Variants in SH3RF3 observed in about 807,000 individuals in gnomAD.
The protein encoded by SH3RF3 is E3 ubiquitin-protein ligase SH3RF3.
A neutral mutation model predicts 66.3 loss-of-function variants in SH3RF3; 29 were observed. That is an observed-to-expected ratio of 0.44 (90% confidence interval 0.33 to 0.60). The LOEUF is 0.60. Among genes scored for constraint, SH3RF3 ranks in the 20% least tolerant of loss-of-function variants. SH3RF3 has a pLI of 0.04. For missense variants in SH3RF3, 1,194 were observed against 1,190.9 expected (o/e 1.00, Z -0.04); for synonymous variants, 583 against 532.0 (o/e 1.10, Z -1.32).
chr2:109,450,590 A>G (rs1677839462), intron 8 of SH3RF3, among the ~76,000 whole-genome samples: 1 of 152,252 alleles, frequency 6.6e-6, no homozygotes, highest in African/African-American at 2.4e-5. Context: ...ATTCCATTAA[A>G]CCCAATATCC....
At chr2:109,219,047 T>G (rs1376777871) in intron 1 of SH3RF3, among the ~76,000 whole-genome samples, 1 of 152,174 alleles carries the variant, frequency 6.6e-6, no homozygotes, top group Non-Finnish European at 1.5e-5. Flanking sequence ...GGGGGCTCAG[T>G]CCTCATTTAG....
intron 1 of SH3RF3, among the ~76,000 whole-genome samples, chr2:109,319,244 T>C (rs1319532790): frequency 6.6e-6 from 1 of 152,210 alleles, no homozygotes; most frequent in Admixed American, 6.5e-5. Flanking sequence ...GTGTTAAGCT[T>C]GCTGCATTTT....
At chr2:109,479,648 G>A (rs1440046009) in intron 8 of SH3RF3, among the ~76,000 whole-genome samples, 2 of 152,100 alleles carry the variant, frequency 1.3e-5, no homozygotes, top group Non-Finnish European at 2.9e-5. Context: ...TACTCCCACA[G>A]ACAGAGCCCT....
intron 1 of SH3RF3, among the ~76,000 whole-genome samples, chr2:109,308,130 T>C (rs1318452222): frequency 7.0e-5 from 10 of 143,312 alleles, no homozygotes; most frequent in African/African-American, 2.5e-4. Flanking sequence ...TGGTGTGAGA[T>C]GGTATCTCAT....
At chr2:109,316,513 T>A (rs991043213) in intron 1 of SH3RF3, among the ~76,000 whole-genome samples, 2 of 152,216 alleles carry the variant, frequency 1.3e-5, no homozygotes, top group East Asian at 3.8e-4. Context: ...ATCACTCCTC[T>A]TAGAGATTTC....
intron 5 of SH3RF3, among the ~76,000 whole-genome samples, chr2:109,429,882 G>A (rs1350074478): frequency 6.6e-6 from 1 of 152,208 alleles, no homozygotes; most frequent in Non-Finnish European, 1.5e-5. Flanking sequence ...GCTGTGCAGG[G>A]AGCCTGCAGT....
At chr2:109,273,964 T>C (rs372294461) in intron 1 of SH3RF3, among the ~76,000 whole-genome samples, 2 of 152,150 alleles carry the variant, frequency 1.3e-5, no homozygotes, top group Non-Finnish European at 2.9e-5. Context: ...GTATGGAAAA[T>C]GGAATACTAA....
intron 1 of SH3RF3, chr2:109,313,505 G>C (rs777992878): frequency 6.5e-6 from 1 of 154,868 alleles, no homozygotes; most frequent in Non-Finnish European, 1.5e-5. Flanking sequence ...CTGGGTGAGC[G>C]CTGTACCAGT....
intron 1 of SH3RF3, among the ~76,000 whole-genome samples, chr2:109,162,676 A>G (rs1677516496): frequency 1.3e-5 from 2 of 152,226 alleles, no homozygotes; most frequent in South Asian, 4.1e-4. Context: ...GAATAGTGCC[A>G]CAATAAACAT....
At chr2:109,412,972 C>T (rs955418544) in intron 4 of SH3RF3, among the ~76,000 whole-genome samples, 2 of 152,152 alleles carry the variant, frequency 1.3e-5, no homozygotes, top group African/African-American at 2.4e-5. Context: ...ACGGCACAGG[C>T]GGCAGTGGGG....
At chr2:109,276,248 G>A (rs554847136) in intron 1 of SH3RF3, among the ~76,000 whole-genome samples, 18 of 152,194 alleles carry the variant, frequency 1.2e-4, no homozygotes, top group East Asian at 1.9e-4. Context: ...GGTGGCATAC[G>A]CTCATGTCTT....
In SH3RF3 at chr2:109,490,666, G is replaced by T; in HGVS notation, c.2210G>T (p.Arg737Leu). The change falls in exon 9 of 10, where the codon CGC becomes CTC. Residue 737 changes from arginine (R) to leucine (L), a missense_variant. Coordinates refer to ENST00000309415, the MANE Select transcript of SH3RF3 (RefSeq NM_001099289.3). ...LAGASTKKKS[R>L]SPPSVSPTHD... ...GGAGCATCCACCAAGAAGAAGTCACGCTCCCCGCCATCTGTGTCTCCAACC... is the reference window on the plus strand; with the variant it reads ...GGAGCATCCACCAAGAAGAAGTCACTCTCCCCGCCATCTGTGTCTCCAACC... The T allele has an allele frequency of 6.6e-7, 1 of 1,515,040 alleles. No homozygotes were observed. The highest frequency in any genetic ancestry group is 8.8e-7 in the Non-Finnish European group (1 of 1,131,536). 93.8% of individuals were successfully genotyped at this position (1,515,040 alleles called of 1,614,324 possible).
chr2:109,165,621 A>G (rs1287991925), intron 1 of SH3RF3, among the ~76,000 whole-genome samples: 2 of 152,220 alleles, frequency 1.3e-5, no homozygotes, highest in East Asian at 3.9e-4. Flanking sequence ...ACTCTGCCTT[A>G]GAGCACTGTG....
intron 8 of SH3RF3, among the ~76,000 whole-genome samples, chr2:109,476,204 C>T (rs1678678875): frequency 6.6e-6 from 1 of 152,218 alleles, no homozygotes; most frequent in Non-Finnish European, 1.5e-5. Context: ...CCTGAGTCCT[C>T]CACTCAGCCC....
intron 4 of SH3RF3, among the ~76,000 whole-genome samples, chr2:109,402,568 C>T (rs190143811): frequency 6.6e-6 from 1 of 152,222 alleles, no homozygotes; most frequent in African/African-American, 2.4e-5. Flanking sequence ...CAGTGCTGGC[C>T]CCAGCAAGGG....
At chr2:109,192,743 G>T (rs897332060) in intron 1 of SH3RF3, among the ~76,000 whole-genome samples, 7 of 152,174 alleles carry the variant, frequency 4.6e-5, no homozygotes, top group Non-Finnish European at 8.8e-5. Flanking sequence ...AGTCCCTGGG[G>T]CTTCCAGTGC....
At chr2:109,338,178 G>A (rs1682473090) in intron 1 of SH3RF3, among the ~76,000 whole-genome samples, 1 of 152,206 alleles carries the variant, frequency 6.6e-6, no homozygotes, top group Non-Finnish European at 1.5e-5. Context: ...TACTTACAGT[G>A]TGCCAGGCAC....
At chr2:109,361,811 T>A in intron 2 of SH3RF3, among the ~76,000 whole-genome samples, 1 of 152,206 alleles carries the variant, frequency 6.6e-6, no homozygotes, top group East Asian at 1.9e-4. Context: ...TTTTAGCAGA[T>A]TGTCTTTTAA....
intron 1 of SH3RF3, among the ~76,000 whole-genome samples, chr2:109,151,192 T>G (rs986540036): frequency 1.3e-5 from 2 of 152,240 alleles, no homozygotes; most frequent in African/African-American, 2.4e-5. Context: ...ATTGAAAATA[T>G]GTGTCCAGTG....
Sources: allele counts gnomAD v4.1 joint callset (sites outside exome capture counted in the v4.1 genomes callset), GRCh38; gene constraint gnomAD v4.1.1; transcripts MANE v1.5; gene names NCBI Gene and HGNC (gene_info 2026-07-23, HGNC 2026-07-21).